PDSS2: variants seen among roughly 807,000 people sequenced by gnomAD.
The protein encoded by PDSS2 is all trans-polyprenyl-diphosphate synthase PDSS2.
A neutral mutation model predicts 44.5 loss-of-function variants in PDSS2; 31 were observed. The ratio of observed to expected loss-of-function variants is 0.70; its 90% confidence interval spans 0.52 to 0.94. The LOEUF is 0.94. Ranked by LOEUF, PDSS2 falls within the 40% of genes least tolerant of loss-of-function variation. PDSS2 has a pLI of 0.00. For missense variants in PDSS2, 452 were observed against 482.2 expected (o/e 0.94, Z 0.59); for synonymous variants, 157 against 180.3 (o/e 0.87, Z 1.03).
intron 2 of PDSS2, among the ~76,000 whole-genome samples, chr6:107,306,353 T>G (rs1776859574): frequency 6.6e-6 from 1 of 152,190 alleles, no homozygotes; most frequent in Admixed American, 6.5e-5. Flanking sequence ...GGAGTCTCTC[T>G]GCACAAACTC....
intron 2 of PDSS2, among the ~76,000 whole-genome samples, chr6:107,292,731 C>T (rs530188094): frequency 6.6e-6 from 1 of 152,238 alleles, no homozygotes; most frequent in South Asian, 2.1e-4. Flanking sequence ...ATACTGTCAA[C>T]ACATAATTAT....
chr6:107,409,039 C>G (rs1407701513), intron 1 of PDSS2, among the ~76,000 whole-genome samples: 1 of 152,128 alleles, frequency 6.6e-6, no homozygotes, highest in Non-Finnish European at 1.5e-5. Flanking sequence ...ATCTACTTAA[C>G]ATATAAAAAG....
At chr6:107,220,039 T>C (rs1342917439) in intron 4 of PDSS2, among the ~76,000 whole-genome samples, 1 of 152,120 alleles carries the variant, frequency 6.6e-6, no homozygotes, top group African/African-American at 2.4e-5. Flanking sequence ...TATAATTCCA[T>C]TGATGTGAAA....
At chr6:107,287,214 TTTG>T (rs1197309460) in intron 2 of PDSS2, among the ~76,000 whole-genome samples, 3 of 152,184 alleles carry the variant, frequency 2.0e-5, no homozygotes, top group African/African-American at 7.2e-5. Context: ...AGACATACAA[TTTG>T]GCAAATAGCA....
At chr6:107,199,115 G>C (rs1354784277) in intron 6 of PDSS2, among the ~76,000 whole-genome samples, 1 of 152,084 alleles carries the variant, frequency 6.6e-6, no homozygotes, top group South Asian at 2.1e-4. Flanking sequence ...GTTAATTTGG[G>C]AGAAGCGATA....
chr6:107,350,916 A>G (rs549266363), intron 1 of PDSS2, among the ~76,000 whole-genome samples: 1 of 152,324 alleles, frequency 6.6e-6, no homozygotes, highest in East Asian at 1.9e-4. Flanking sequence ...GTGAAATAAT[A>G]AAGGCCACAA....
chr6:107,196,734 G>A lies in PDSS2; in HGVS notation c.1009-2880C>T, dbSNP rs535600276. Among the ~76,000 whole-genome samples, 23 of 152,250 alleles carry A rather than the reference G, an allele frequency of 1.5e-4. No individual in the cohort carries two copies. The South Asian group carries it at 4.8e-3, about 32-fold the overall frequency. The stretch of plus-strand genomic sequence containing the variant: ...AACTCCTGACTTCAGGATGGGGACT[G>A]GTCATGGCAAAGACCAAGACAGGAT... On this transcript the variant is annotated intron_variant, in intron 6 of 7. Transcript: ENST00000369037.
At position 107,225,137 on chromosome 6, in the gene PDSS2, T is replaced by TATATATATATATATATATTTATA. The variant is rs1446558243; in HGVS notation, c.703-12856_703-12855insTATAAATATATATATATATATAT. Among the ~76,000 whole-genome samples, 51 of 62,368 alleles carry TATATATATATATATATATTTATA rather than the reference T, an allele frequency of 8.2e-4. 5 individuals carry two copies. Among genetic ancestry groups the TATATATATATATATATATTTATA allele is most frequent in the African/African-American group, 3.6e-3 (37 of 10,348 alleles). The allele number at this position is 62,368 out of a possible 152,430, so 40.9% of individuals were successfully genotyped here. On this transcript the variant is annotated intron_variant, in intron 4 of 7. Coordinates refer to ENST00000369037, the MANE Select transcript of PDSS2 (RefSeq NM_020381.4). ...AGGAAGCTTCACTATATATATATTT[T>TATATATATATATATATATTTATA]TATATATATATATATATATATATAT...
chr6:107,453,888 A>G (rs1781952536), intron 1 of PDSS2, among the ~76,000 whole-genome samples: 1 of 152,128 alleles, frequency 6.6e-6, no homozygotes, highest in Non-Finnish European at 1.5e-5. Flanking sequence ...TCCATCCTTC[A>G]ATGGAGTCCC....
chr6:107,454,362 T>C (rs1414510867), intron 1 of PDSS2, among the ~76,000 whole-genome samples: 1 of 147,558 alleles, frequency 6.8e-6, no homozygotes, highest in Non-Finnish European at 1.5e-5. Flanking sequence ...CTTCTTTATA[T>C]CACTTCATAA....
intron 7 of PDSS2, among the ~76,000 whole-genome samples, chr6:107,162,610 A>ATTTTTTTTTTTTTTTTTTT (rs71012782): frequency 6.1e-5 from 7 of 115,560 alleles, no homozygotes; most frequent in African/African-American, 2.1e-4. Context: ...GAATTCCCTA[A>ATTTTTTTTTTTTTTTTTTT]TTTTTTTTTT....
intron 1 of PDSS2, among the ~76,000 whole-genome samples, chr6:107,444,637 T>A (rs905406098): frequency 6.6e-6 from 1 of 152,208 alleles, no homozygotes; most frequent in African/African-American, 2.4e-5. Flanking sequence ...AGGTTTTCAG[T>A]CAGTAATTAC....
At chr6:107,331,064 A>T (rs1777695749) in intron 2 of PDSS2, among the ~76,000 whole-genome samples, 1 of 152,188 alleles carries the variant, frequency 6.6e-6, no homozygotes, top group Non-Finnish European at 1.5e-5. Context: ...AATACCAACA[A>T]GGTAAATCCC....
intron 1 of PDSS2, among the ~76,000 whole-genome samples, chr6:107,350,473 T>C (rs961787765): frequency 1.3e-5 from 2 of 152,132 alleles, no homozygotes; most frequent in Non-Finnish European, 2.9e-5. Context: ...TGAATAAATA[T>C]AAAGAGAACT....
chr6:107,334,798 T>C (rs1360009796), intron 1 of PDSS2, among the ~76,000 whole-genome samples: 4 of 151,616 alleles, frequency 2.6e-5, no homozygotes, highest in African/African-American at 9.7e-5. Flanking sequence ...TCTTTCTGCC[T>C]TAGCCTCCCA....
chr6:107,388,068 A>G (rs1779664314), intron 1 of PDSS2, among the ~76,000 whole-genome samples: 1 of 152,170 alleles, frequency 6.6e-6, no homozygotes, highest in African/African-American at 2.4e-5. Context: ...GCTAATGGGG[A>G]AAACCCTACC....
intron 2 of PDSS2, among the ~76,000 whole-genome samples, chr6:107,298,399 T>C (rs1776580505): frequency 6.6e-6 from 1 of 152,142 alleles, no homozygotes; most frequent in Admixed American, 6.6e-5. Flanking sequence ...CTAGGTATTA[T>C]AAGTAATCTG....
intron 1 of PDSS2, among the ~76,000 whole-genome samples, chr6:107,431,142 A>G (rs1306438839): frequency 2.0e-5 from 3 of 152,238 alleles, no homozygotes; most frequent in East Asian, 1.9e-4. Context: ...TTGCTCAAAT[A>G]GCAGGTAGTA....
chr6:107,314,004 G>A (rs770358054), intron 2 of PDSS2, among the ~76,000 whole-genome samples: 1 of 152,094 alleles, frequency 6.6e-6, no homozygotes, highest in Non-Finnish European at 1.5e-5. Context: ...GGTAGCACTT[G>A]TAGTCCCAGC....
Sources: allele counts gnomAD v4.1 joint callset (sites outside exome capture counted in the v4.1 genomes callset), GRCh38; gene constraint gnomAD v4.1.1; transcripts MANE v1.5; gene names NCBI Gene and HGNC (gene_info 2026-07-23, HGNC 2026-07-21).